The following MAP4 variants were observed in gnomAD, a reference collection of about 807,000 sequenced individuals.
MAP4 encodes microtubule associated protein 4, also known as microtubule-associated protein 4.
In MAP4, 76 loss-of-function variants were observed where a neutral mutation model predicts 170.2. The observed-to-expected ratio is 0.45, with a 90% CI of 0.37 to 0.54. MAP4 has a LOEUF of 0.54. Ranked by LOEUF, MAP4 falls within the 20% of genes least tolerant of loss-of-function variation. MAP4 has a pLI of 0.00. For synonymous variants in MAP4, 909 were observed against 994.5 expected (o/e 0.91, Z 1.62); for missense variants, 2,506 against 2,748.0 (o/e 0.91, Z 1.97).
intron 16 of MAP4, 139 bp from the exon 17 acceptor site, chr3:47,867,477 A>G (rs1270363158): frequency 4.4e-6 from 3 of 675,802 alleles, no homozygotes; most frequent in Non-Finnish European, 5.3e-6. Context: ...CCTTCTACAG[A>G]ACAGATGTGG....
chr3:47,920,988 T>G (rs1201086280), intron 5 of MAP4, among the ~76,000 whole-genome samples: 1 of 151,986 alleles, frequency 6.6e-6, no homozygotes, highest in African/African-American at 2.4e-5. Context: ...CAAAACCCCA[T>G]CTCTACAAAA....
chr3:48,016,970 G>C (rs1219374278), upstream of MAP4, among the ~76,000 whole-genome samples: 1 of 151,774 alleles, frequency 6.6e-6, no homozygotes, highest in Non-Finnish European at 1.5e-5. Context: ...GTAGAGACGA[G>C]GTTTCATCAT....
chr3:48,061,034 A>T (rs2100134913), intron 1 of MAP4, among the ~76,000 whole-genome samples: 1 of 151,826 alleles, frequency 6.6e-6, no homozygotes, highest in Non-Finnish European at 1.5e-5. Context: ...TTTAGTAGAG[A>T]TGGGGTTTTA....
chr3:47,922,092 T>G (rs1384410902), intron 4 of MAP4, among the ~76,000 whole-genome samples: 1 of 152,044 alleles, frequency 6.6e-6, no homozygotes, highest in Non-Finnish European at 1.5e-5. Context: ...GGATTACAGA[T>G]GCCCGCCACC....
chr3:47,947,638 C>T (rs2154072338), intron 3 of MAP4, among the ~76,000 whole-genome samples: 2 of 151,800 alleles, frequency 1.3e-5, no homozygotes, highest in South Asian at 4.2e-4. Context: ...AATGAAACTG[C>T]ATTTCTACTA....
chr3:47,895,486 C>T (rs1009360308), intron 10 of MAP4, among the ~76,000 whole-genome samples: 3 of 152,206 alleles, frequency 2.0e-5, no homozygotes, highest in African/African-American at 7.2e-5. Flanking sequence ...CTGTCTCATG[C>T]GGGAGTGCTG....
intron 3 of MAP4, among the ~76,000 whole-genome samples, chr3:47,943,361 C>T (rs1024446528): frequency 1.2e-4 from 18 of 152,128 alleles, no homozygotes; most frequent in Non-Finnish European, 2.9e-5. Context: ...CCTGTAATCC[C>T]AGCACTTTGG....
At chr3:47,977,791 T>C (rs1252511781) in intron 3 of MAP4, 74 bp downstream of exon 3, 2 of 1,024,432 alleles carry the variant, frequency 2.0e-6, no homozygotes. Context: ...AATAATGCTC[T>C]TCAAAGGAGA....
Position 47,912,032 on chromosome 3 carries a change from G to A in MAP4, c.2389C>T (p.Pro797Ser). The A allele has an allele frequency of 2.6e-6, 4 of 1,536,088 alleles. No individual in the cohort carries two copies. Among genetic ancestry groups the A allele is most frequent in the Non-Finnish European group, 3.5e-6 (4 of 1,146,902 alleles). Residue 797 changes from proline to serine, a missense_variant, in exon 9 of 21, where the codon CCT (proline) becomes TCT (serine). Pro to Ser is a moderately conservative substitution (Grantham distance 74, BLOSUM62 -1). Around this residue, in one of 3 missense-constraint regions of MAP4, gnomAD observed 2,008 missense variants for 2,206.0 expected, o/e 0.91. Transcript: ENST00000683076. ...TCAGCTGCAAATGGATGACCTTTAG[G>A]CTTATCTGCATTGTCATCATCCGAA... ...GPSDDDNADK[P>S]KGHPFAADTQ...
intron 3 of MAP4, among the ~76,000 whole-genome samples, chr3:47,951,659 T>C (rs13076977): frequency 2.0e-5 from 3 of 151,172 alleles, no homozygotes; most frequent in South Asian, 2.1e-4. Context: ...GTGCTCAATG[T>C]TGCCCAGGCT....
In MAP4 at chr3:47,909,740, T is replaced by C. The variant is rs2100034982; in HGVS notation, c.4681A>G (p.Lys1561Glu). Reference protein sequence around the residue: ...ESESVHSGASKHSVEKVTELA... With the variant: ...ESESVHSGASEHSVEKVTELA... ...TCTGTGACTTTCTCTACTGAATGCT[T>C]AGACGCACCACTGTGCACTGACTCA... Residue 1561 changes from lysine to glutamate, a missense_variant, in exon 9 of 21, where the codon AAG becomes GAG. Around this residue, in one of 3 missense-constraint regions of MAP4, gnomAD observed 2,008 missense variants for 2,206.0 expected, o/e 0.91. Transcript: ENST00000683076. 1 of 1,614,040 alleles carries C rather than the reference T, an allele frequency of 6.2e-7. No individual in the cohort carries two copies. The highest frequency in any genetic ancestry group is 1.3e-5 in the African/African-American group (1 of 75,066).
intron 19 of MAP4, among the ~76,000 whole-genome samples, chr3:47,853,906 G>A (rs1389476744): frequency 6.6e-6 from 1 of 152,156 alleles, no homozygotes; most frequent in Non-Finnish European, 1.5e-5. Flanking sequence ...TGTCCAAGGA[G>A]GTATAACCCA....
intron 2 of MAP4, among the ~76,000 whole-genome samples, chr3:47,985,095 C>A (rs538479550): frequency 6.6e-6 from 1 of 151,660 alleles, no homozygotes; most frequent in Non-Finnish European, 1.5e-5. Context: ...GCCTGGCCAA[C>A]GTGGTGAAAC....
At chr3:47,859,053 C>T (rs1335635846) in intron 17 of MAP4, among the ~76,000 whole-genome samples, 2 of 151,994 alleles carry the variant, frequency 1.3e-5, no homozygotes, top group African/African-American at 2.4e-5. Context: ...GGCATGAACT[C>T]GGGAGGCAGA....
intron 3 of MAP4, among the ~76,000 whole-genome samples, chr3:47,933,493 G>A (rs1440493717): frequency 2.0e-5 from 3 of 151,522 alleles, no homozygotes; most frequent in Non-Finnish European, 4.4e-5. Context: ...GCTGGAGTGC[G>A]GTAGTACGAT....
At chr3:47,955,746 A>G (rs951694632) in intron 3 of MAP4, among the ~76,000 whole-genome samples, 2 of 152,224 alleles carry the variant, frequency 1.3e-5, no homozygotes, top group African/African-American at 4.8e-5. Context: ...CAACCCAGCT[A>G]CAAAGTTACC....
chr3:47,856,123 G>C (rs773213926), intron 18 of MAP4, among the ~76,000 whole-genome samples: 5 of 152,156 alleles, frequency 3.3e-5, no homozygotes, highest in Non-Finnish European at 5.9e-5. Flanking sequence ...GGGACGAGCT[G>C]CCCTCAATGA....
At chr3:48,005,444 A>G (rs2100101751) in intron 1 of MAP4, among the ~76,000 whole-genome samples, 1 of 152,150 alleles carries the variant, frequency 6.6e-6, no homozygotes, top group African/African-American at 2.4e-5. Context: ...GGTATGGGAT[A>G]ATGGTGGAAG....
At chr3:47,969,506 G>T (rs2100077268) in intron 3 of MAP4, among the ~76,000 whole-genome samples, 1 of 152,078 alleles carries the variant, frequency 6.6e-6, no homozygotes, top group South Asian at 2.1e-4. Context: ...ATCCTCTATG[G>T]TAAGGCATAA....
Sources: allele counts gnomAD v4.1 joint callset (sites outside exome capture counted in the v4.1 genomes callset), GRCh38; gene constraint gnomAD v4.1.1; regional missense constraint gnomAD v4.1.1; transcripts MANE v1.5; gene names NCBI Gene and HGNC (gene_info 2026-07-23, HGNC 2026-07-21).